Variants in PKD1L1 observed in about 807,000 individuals in gnomAD.
PKD1L1 encodes polycystin-1-like protein 1.
PKD1L1 carries 236 observed loss-of-function variants against 323.4 expected under a neutral mutation model. The observed-to-expected ratio is 0.73, with a 90% CI of 0.66 to 0.81. PKD1L1 has a LOEUF of 0.81. PKD1L1 is among the 40% of genes least tolerant of loss of function. The pLI, the probability that PKD1L1 is intolerant of heterozygous loss-of-function variation, is 0.00. For synonymous variants in PKD1L1, 1,344 were observed against 1,335.0 expected, an observed-to-expected ratio of 1.01 and a Z score of -0.15; for missense variants, 3,320 against 3,508.0, an observed-to-expected ratio of 0.95 and a Z score of 1.35.
chr7:47,878,012 C>A (rs1239276655), intron 21 of PKD1L1, among the ~76,000 whole-genome samples: 2 of 151,950 alleles, frequency 1.3e-5, no homozygotes, highest in South Asian at 4.2e-4. Context: ...AGACAGAAAC[C>A]GAAGCCTGAG....
chr7:47,956,305 A>G, the PKD1L1 span, among the ~76,000 whole-genome samples: 1 of 152,316 alleles, frequency 6.6e-6, no homozygotes, highest in South Asian at 2.1e-4. Context: ...CACCTTCCGC[A>G]CCATTCTGAG....
chr7:47,859,818 C>T (rs1442384302), intron 26 of PKD1L1, among the ~76,000 whole-genome samples: 6 of 151,958 alleles, frequency 3.9e-5, no homozygotes, highest in African/African-American at 1.5e-4. Flanking sequence ...TTAGTAGAAA[C>T]GGGGTTTCAC....
In PKD1L1 at chr7:47,808,245, A is replaced by C; in HGVS notation, c.7827+2T>G. 1 of 1,614,124 alleles carries C rather than the reference A, an allele frequency of 6.2e-7. No individual in the cohort carries two copies. Among genetic ancestry groups the C allele is most frequent in the Non-Finnish European group, 8.5e-7 (1 of 1,180,002 alleles). ...CTGCATGGCCCTGAGCACACCGTGT[A>C]CCTGATTCCATGATGCCATAAGGGT... On this transcript the variant is annotated splice_donor_variant, in intron 52 of 56. Transcript: ENST00000289672. LOFTEE classifies it high-confidence loss of function.
chr7:47,800,650 A>C lies in PKD1L1; in HGVS notation c.8192T>G (p.Met2731Arg). Residue 2731 changes from methionine to arginine, a missense_variant and splice_region_variant, in exon 54 of 57, where the codon ATG becomes AGG. Met to Arg is a moderately conservative substitution (Grantham distance 91). Coordinates refer to ENST00000289672, the MANE Select transcript of PKD1L1 (RefSeq NM_138295.5). ...LIVSATLCFG[M>R]LRGFLMTLPQ... ...AAAGTTGGGGATGTGTTTACTTACC[A>C]TTCCAAAACACAGTGTGGCAGAGAC... The C allele has an allele frequency of 6.2e-7, 1 of 1,613,392 alleles. No homozygotes were observed. The highest frequency in any genetic ancestry group is 8.5e-7 in the Non-Finnish European group (1 of 1,179,296).
At chr7:47,842,321 C>G (rs904029598) in intron 34 of PKD1L1, among the ~76,000 whole-genome samples, 6 of 152,118 alleles carry the variant, frequency 3.9e-5, no homozygotes, top group African/African-American at 1.4e-4. Context: ...TTCATCCTCC[C>G]ATCTAACTCT....
At chr7:47,844,089 C>G (rs1785615960) in intron 33 of PKD1L1, among the ~76,000 whole-genome samples, 1 of 152,186 alleles carries the variant, frequency 6.6e-6, no homozygotes, top group South Asian at 2.1e-4. Context: ...CTCTGGACAT[C>G]TTCCAGGGCT....
At position 47,839,735 on chromosome 7, in the gene PKD1L1, C is replaced by T; in HGVS notation, c.5553-73G>A. 1 of 1,416,864 alleles carries T rather than the reference C, an allele frequency of 7.1e-7. No individual in the cohort carries two copies. Among genetic ancestry groups the T allele is most frequent in the Non-Finnish European group, 9.7e-7 (1 of 1,036,110 alleles). 87.8% of individuals were successfully genotyped at this position (1,416,864 alleles called of 1,614,324 possible). ...TCCTGGCATCCCATCAGCCCCAATG[C>T]TCACCCTCAAGGCACTGATGGCCCA... On this transcript the variant is annotated intron_variant, in intron 35 of 56. Transcript: ENST00000289672. The surrounding 1 kb of genome is among the most constrained non-coding windows in gnomAD (Gnocchi z 4.3).
chr7:47,839,533 A>G lies in PKD1L1; in HGVS notation c.5682T>C (p.Pro1894=), dbSNP rs1785525684. Residue 1894 remains proline, a synonymous_variant, in exon 36 of 57, where the codon CCT becomes CCC. Transcript: ENST00000289672. The surrounding 1 kb of genome is among the most constrained non-coding windows in gnomAD (Gnocchi z 4.3). ...TGCCGGCAGACAGCCAGCACTGGGC[A>G]GGGAAGAACCAGCCCTGTCCCGTGT... ...ELHTGQGWFF[P]AQCWLSAGRH... The G allele has an allele frequency of 1.2e-6, 2 of 1,611,428 alleles. No homozygotes were observed. Among genetic ancestry groups the G allele is most frequent in the Non-Finnish European group, 8.5e-7 (1 of 1,179,322 alleles).
intron 17 of PKD1L1, among the ~76,000 whole-genome samples, chr7:47,887,699 G>C (rs994757676): frequency 7.2e-5 from 11 of 152,196 alleles, no homozygotes; most frequent in Admixed American, 2.0e-4. Context: ...AGGTCCTTCT[G>C]AACTGTGGCT....
chr7:47,954,360 G>T, the PKD1L1 span, among the ~76,000 whole-genome samples: 1 of 152,298 alleles, frequency 6.6e-6, no homozygotes, highest in East Asian at 1.9e-4. Context: ...CCTCTGCAGT[G>T]GTGTTGGGAG....
intron 8 of PKD1L1, among the ~76,000 whole-genome samples, chr7:47,913,740 G>A (rs781426728): frequency 5.3e-5 from 8 of 152,172 alleles, no homozygotes; most frequent in Non-Finnish European, 7.3e-5. Flanking sequence ...GCAGAACTGT[G>A]AGCCAATTAA....
chr7:47,848,954 G>A (rs4391316), intron 31 of PKD1L1, among the ~76,000 whole-genome samples: 23,872 of 152,032 alleles, frequency 0.16, 2,298 homozygotes, highest in African/African-American at 0.27. Flanking sequence ...ACTATACAAC[G>A]AGGCTATAGT....
intron 23 of PKD1L1, among the ~76,000 whole-genome samples, 165 bp from the exon 24 acceptor site, chr7:47,874,175 G>A (rs1562967800): frequency 1.3e-5 from 2 of 152,182 alleles, no homozygotes; most frequent in Non-Finnish European, 2.9e-5. Flanking sequence ...TACAAACTCG[G>A]CAATGGACTG....
chr7:47,904,760 CT>C, intron 11 of PKD1L1, 143 bp from the exon 12 acceptor site: 1 of 1,063,342 alleles, frequency 9.4e-7, no homozygotes, highest in Non-Finnish European at 1.3e-6. Flanking sequence ...ACAAAAGTAT[CT>C]AGTGATTTTC....
intron 1 of PKD1L1, among the ~76,000 whole-genome samples, 172 bp from the exon 2 acceptor site, chr7:47,943,683 A>AT (rs1457555183): frequency 6.6e-6 from 1 of 152,208 alleles, no homozygotes. Context: ...TTTTCACTTC[A>AT]TATTTCCCAA....
chr7:47,793,784 G>T (rs1008759491), intron 55 of PKD1L1, among the ~76,000 whole-genome samples: 1 of 152,204 alleles, frequency 6.6e-6, no homozygotes, highest in Admixed American at 6.5e-5. Flanking sequence ...ACCTCCTAGA[G>T]ACTTGTGGAA....
chr7:47,874,174 G>A (rs1035890246), intron 23 of PKD1L1, among the ~76,000 whole-genome samples, 164 bp from the exon 24 acceptor site: 3 of 152,162 alleles, frequency 2.0e-5, no homozygotes, highest in African/African-American at 4.8e-5. Flanking sequence ...ATACAAACTC[G>A]GCAATGGACT....
At chr7:47,792,822 T>C (rs757889927) in intron 55 of PKD1L1, 25 bp from the exon 56 acceptor site, 6 of 1,588,722 alleles carry the variant, frequency 3.8e-6, no homozygotes, top group Non-Finnish European at 5.2e-6. Flanking sequence ...ATTAGATTAG[T>C]AAATGCATTC....
At chr7:47,895,676 G>A (rs1319401708) in intron 14 of PKD1L1, among the ~76,000 whole-genome samples, 1 of 152,078 alleles carries the variant, frequency 6.6e-6, no homozygotes, top group East Asian at 1.9e-4. Flanking sequence ...ATTATAATTA[G>A]GTCTTTTATG....
Sources: gnomAD v4.1 joint callset for allele counts (sites outside exome capture counted in the v4.1 genomes callset) on GRCh38, gnomAD v4.1.1 for gene constraint, Gnocchi (gnomAD v3.1) non-coding constraint, MANE v1.5 for transcripts, NCBI Gene and HGNC (gene_info 2026-07-23, HGNC 2026-07-21) for gene names.